The following UBR4 variants were observed in gnomAD, a reference collection of about 807,000 sequenced individuals.
UBR4 encodes ubiquitin protein ligase E3 component n-recognin 4, also known as E3 ubiquitin-protein ligase UBR4.
UBR4 carries 124 observed loss-of-function variants against 575.6 expected under a neutral mutation model. The ratio of observed to expected loss-of-function variants is 0.22; its 90% CI spans 0.19 to 0.25. The LOEUF is 0.25. Among genes scored for constraint, UBR4 ranks in the 10% least tolerant of loss-of-function variants. The probability of loss-of-function intolerance (pLI) is 1.00; values close to 1 mark genes in which losing one functional copy is unlikely to be tolerated. For synonymous variants in UBR4, 2,455 were observed against 2,473.7 expected (o/e 0.99, Z 0.22); for missense variants, 4,818 against 6,478.8 (o/e 0.74, Z 8.80).
intron 60 of UBR4, 126 bp from the exon 61 acceptor site, chr1:19,129,200 C>A (rs2082150371): frequency 2.8e-6 from 2 of 710,790 alleles, no homozygotes; most frequent in South Asian, 2.0e-5. Context: ...TAGGAACAAT[C>A]TCCAGCATTA....
chr1:19,074,629 A>C lies in UBR4; in HGVS notation c.*203T>G, dbSNP rs2075747568. 7 of 620,420 alleles carry C rather than the reference A, an allele frequency of 1.1e-5. 1 individual carries two copies. The South Asian group carries it at 1.3e-4, about 12-fold the overall frequency. 38.4% of individuals were successfully genotyped at this position (620,420 alleles called of 1,614,324 possible). A position where few individuals can be genotyped will look rare whatever the true frequency, so the allele number is the denominator to read the frequency against. ...CAGGCCCTTTGATGGCTTGGGTTAC[A>C]GACAACCTCATAGCTGGTGCACCAC... On this transcript the variant is annotated 3_prime_UTR_variant, in exon 106 of 106. Coordinates refer to ENST00000375254, the MANE Select transcript of UBR4 (RefSeq NM_020765.3).
chr1:19,163,983 C>T (rs985928772), intron 33 of UBR4, among the ~76,000 whole-genome samples, 156 bp from the exon 34 acceptor site: 1 of 152,142 alleles, frequency 6.6e-6, no homozygotes, highest in African/African-American at 2.4e-5. Context: ...AGTTACATAG[C>T]TTGGGGTGCT....
intron 73 of UBR4, 91 bp from the exon 74 acceptor site, chr1:19,115,728 T>G: frequency 6.5e-7 from 1 of 1,528,974 alleles, no homozygotes; most frequent in East Asian, 2.3e-5. Flanking sequence ...CCCATGTATT[T>G]TTCTAAGGCA....
intron 17 of UBR4, among the ~76,000 whole-genome samples, chr1:19,182,815 C>T (rs2091132366): frequency 6.6e-6 from 1 of 152,080 alleles, no homozygotes; most frequent in South Asian, 2.1e-4. Flanking sequence ...AAAGAGAGAG[C>T]TTGAAAACAT....
In UBR4 at chr1:19,164,933, C is replaced by T. The variant is rs2088066799; in HGVS notation, c.4377G>A (p.Val1459=). The change falls in exon 32 of 106, where the codon GTG becomes GTA. Residue 1459 remains valine, a synonymous_variant. Coordinates refer to ENST00000375254, the MANE Select transcript of UBR4 (RefSeq NM_020765.3). ...LCGSLAQLAC[V]EPVRLQAWLT... ...GCCAGGCCTGCAGGCGCACAGGTTC[C>T]ACACAGGCCAGTTGTGCCAGGGAGC... The T allele has an allele frequency of 1.9e-6, 3 of 1,614,130 alleles. No individual in the cohort carries two copies. Among genetic ancestry groups the T allele is most frequent in the Non-Finnish European group, 2.5e-6 (3 of 1,180,024 alleles).
intron 8 of UBR4, among the ~76,000 whole-genome samples, chr1:19,196,638 C>T (rs538230042): frequency 6.6e-6 from 1 of 152,208 alleles, no homozygotes; most frequent in East Asian, 1.9e-4. Context: ...TATCATTCTT[C>T]GCATTTATCA....
At position 19,146,865 on chromosome 1, in the gene UBR4, C is replaced by T; in HGVS notation, c.7765G>A (p.Val2589Ile). 1 of 1,614,030 alleles carries T rather than the reference C, an allele frequency of 6.2e-7. No homozygotes were observed. The highest frequency in any genetic ancestry group is 8.5e-7 in the Non-Finnish European group (1 of 1,179,944). ...GGCAGCTTTGACTCCGTAAAGTGGACAAGGTTGTTGGGGCGCATGATGGCA... is the reference window on the plus strand; with the variant it reads ...GGCAGCTTTGACTCCGTAAAGTGGATAAGGTTGTTGGGGCGCATGATGGCA... Reference protein sequence around the residue: ...SIAIMRPNNLVHFTESKLPQM... With the variant: ...SIAIMRPNNLIHFTESKLPQM... The change falls in exon 52 of 106, where the codon GTC becomes ATC. Residue 2589 changes from valine (V) to isoleucine (I), a missense_variant. By Grantham distance (29) the Val-to-Ile change is conservative (BLOSUM62 3). This residue lies in a region of UBR4 where 340 missense variants were observed against 375.4 expected (regional missense o/e 0.91). Coordinates refer to ENST00000375254, the MANE Select transcript of UBR4 (RefSeq NM_020765.3).
In UBR4 at chr1:19,139,330, A is replaced by ATTGTGTCC; in HGVS notation, c.8594-111_8594-110insGGACACAA. The ATTGTGTCC allele has an allele frequency of 7.4e-7, 1 of 1,355,394 alleles. No individual in the cohort carries two copies. The highest frequency in any genetic ancestry group is 9.7e-7 in the Non-Finnish European group (1 of 1,033,264). The allele number at this position is 1,355,394 out of a possible 1,614,324, so 84.0% of individuals were successfully genotyped here. On this transcript the variant is annotated intron_variant, in intron 58 of 105. Transcript: ENST00000375254. This position sits in a 1 kb window ranked among gnomAD's most constrained non-coding sequence, Gnocchi z 4.2. ...ATGAAAGCATCAAACCACATAGTGC[A>ATTGTGTCC]TAGGACACAATGCAGTTTATATATC...
chr1:19,106,540 G>A (rs780565595), intron 83 of UBR4, 29 bp downstream of exon 83: 2 of 1,525,086 alleles, frequency 1.3e-6, no homozygotes, highest in Non-Finnish European at 1.8e-6. Context: ...GGGGCGCAGG[G>A]GGTGAAGAGT....
chr1:19,197,931 C>T lies in UBR4; in HGVS notation c.751+16G>A. 6.2e-7 allele frequency: 1 copy of T among 1,613,984 alleles called. No individual in the cohort carries two copies. The highest frequency in any genetic ancestry group is 8.5e-7 in the Non-Finnish European group (1 of 1,179,934). On this transcript the variant is annotated intron_variant, in intron 6 of 105. Transcript: ENST00000375254. ...AGCCCAGAAATCAGCTTTCTGATAA[C>T]AGTTGGGAGTCTTACCAAGCTCTTG...
chr1:19,171,203 T>A (rs1273966976), intron 25 of UBR4, among the ~76,000 whole-genome samples: 1 of 105,504 alleles, frequency 9.5e-6, no homozygotes, highest in Non-Finnish European at 1.9e-5. Context: ...CTATATTTTT[T>A]AAAACAAAAC....
chr1:19,169,017 C>T (rs887509601), intron 27 of UBR4, among the ~76,000 whole-genome samples: 127 of 151,232 alleles, frequency 8.4e-4, no homozygotes, highest in African/African-American at 2.9e-3. Context: ...ATCTAAAAGC[C>T]TAGAGAAGCT....
chr1:19,103,475 G>A (rs1359439216), intron 87 of UBR4, among the ~76,000 whole-genome samples: 5 of 152,140 alleles, frequency 3.3e-5, no homozygotes, highest in African/African-American at 9.7e-5. Flanking sequence ...TGAGGCAGGC[G>A]AATCGCTTGA....
intron 87 of UBR4, 96 bp downstream of exon 87, chr1:19,103,988 C>T (rs1174003473): frequency 1.4e-6 from 2 of 1,451,366 alleles, no homozygotes; most frequent in Admixed American, 3.9e-5. Flanking sequence ...GCCACCCCTC[C>T]TCTGGATCTG....
intron 1 of UBR4, among the ~76,000 whole-genome samples, chr1:19,209,055 G>T (rs955095877): frequency 6.6e-6 from 1 of 152,146 alleles, no homozygotes; most frequent in East Asian, 1.9e-4. Context: ...TGCATCCAAA[G>T]GATTACAAGT....
Position 19,157,808 on chromosome 1 carries a change from G to A in UBR4, c.5760+7C>T. 1.2e-6 allele frequency: 2 copies of A among 1,613,154 alleles called. No homozygotes were observed. The highest frequency in any genetic ancestry group is 1.7e-6 in the Non-Finnish European group (2 of 1,179,328). On this transcript the variant is annotated splice_region_variant and intron_variant, in intron 40 of 105. Transcript: ENST00000375254. This position sits in a 1 kb window ranked among gnomAD's most constrained non-coding sequence, Gnocchi z 4.4. ...TAAAGTAAGCGCACAAGAATTGGAG[G>A]ACCCACCTTGCCCTTCTCATGGCTG...
intron 99 of UBR4, among the ~76,000 whole-genome samples, chr1:19,087,205 G>A (rs182994083): frequency 5.9e-5 from 9 of 152,364 alleles, no homozygotes; most frequent in African/African-American, 1.7e-4. Context: ...CCTGCATTAC[G>A]CAGGACTAAC....
intron 17 of UBR4, 78 bp downstream of exon 17, chr1:19,183,733 C>A (rs979457777): frequency 2.1e-6 from 3 of 1,461,578 alleles, no homozygotes; most frequent in Non-Finnish European, 1.9e-6. Context: ...AAAAAACAAA[C>A]AAACAAACAA....
chr1:19,083,123 G>GCT (rs1179269928), intron 102 of UBR4, among the ~76,000 whole-genome samples: 3 of 152,116 alleles, frequency 2.0e-5, no homozygotes, highest in African/African-American at 7.2e-5. Flanking sequence ...GTCACCCAGG[G>GCT]CTCTGTCCAG....
Sources: gnomAD v4.1 joint callset for allele counts (sites outside exome capture counted in the v4.1 genomes callset) on GRCh38, gnomAD v4.1.1 for gene constraint, gnomAD v4.1.1 regional missense constraint, Gnocchi (gnomAD v3.1) non-coding constraint, MANE v1.5 for transcripts, NCBI Gene and HGNC (gene_info 2026-07-23, HGNC 2026-07-21) for gene names.